The following NTRK3 variants were observed in gnomAD, a reference collection of about 807,000 sequenced individuals.
NTRK3 encodes neurotrophic receptor tyrosine kinase 3.
Under a neutral mutation model 91.7 loss-of-function variants are expected in NTRK3, and 24 were observed. That is an observed-to-expected ratio of 0.26 (90% CI 0.19 to 0.37). The LOEUF is 0.37. Ranked by LOEUF, NTRK3 falls within the 10% of genes least tolerant of loss-of-function variation. The pLI is 1.00. For missense variants in NTRK3, 880 were observed against 1,068.9 expected, an observed-to-expected ratio of 0.82 and a Z score of 2.46; for synonymous variants, 483 against 404.0, an observed-to-expected ratio of 1.20 and a Z score of -2.34.
intron 14 of NTRK3, among the ~76,000 whole-genome samples, chr15:87,998,584 A>C (rs1362981885): frequency 6.6e-6 from 1 of 152,230 alleles, no homozygotes; most frequent in Admixed American, 6.5e-5. Flanking sequence ...ATTCTGATGC[A>C]TTTTTAATCC....
chr15:88,178,811 C>T (rs1271461163), intron 5 of NTRK3, among the ~76,000 whole-genome samples: 1 of 152,204 alleles, frequency 6.6e-6, no homozygotes, highest in African/African-American at 2.4e-5. Flanking sequence ...ACAGAGCTTT[C>T]TCAACAGAGC....
rs149305260 is a variant in NTRK3, at chr15:88,016,526, C to G, written c.1585+16331G>C. On this transcript the variant is annotated intron_variant, in intron 14 of 18. Coordinates refer to ENST00000394480, the Ensembl canonical transcript of NTRK3. The stretch of plus-strand genomic sequence containing the variant: ...AGGAATGGGCTAAGCTGTGTCAGAA[C>G]TAAGCAGAATGCTATGGCAGGCTCT... Among the ~76,000 whole-genome samples, 252 of 152,370 alleles carry G rather than the reference C, an allele frequency of 1.7e-3. 1 individual carries two copies. The highest frequency in any genetic ancestry group is 5.8e-3 in the African/African-American group (240 of 41,592).
chr15:88,236,348 G>A (rs2051734341), intron 3 of NTRK3, among the ~76,000 whole-genome samples: 1 of 151,910 alleles, frequency 6.6e-6, no homozygotes, highest in African/African-American at 2.4e-5. Context: ...CTATGAAGCT[G>A]TAGAAGAAGG....
At chr15:87,989,451 A>C (rs1221947859) in intron 14 of NTRK3, among the ~76,000 whole-genome samples, 6 of 146,694 alleles carry the variant, frequency 4.1e-5, no homozygotes, top group Admixed American at 3.5e-4. Flanking sequence ...GGAATCGAAC[A>C]ATGAGAACAC....
At chr15:88,070,700 A>G (rs1157138553) in intron 13 of NTRK3, among the ~76,000 whole-genome samples, 3 of 151,678 alleles carry the variant, frequency 2.0e-5, no homozygotes, top group Admixed American at 1.3e-4. Flanking sequence ...CCACCTGTCC[A>G]CTCAACATCC....
intron 3 of NTRK3, among the ~76,000 whole-genome samples, chr15:88,220,657 A>G (rs1258696094): frequency 6.6e-6 from 1 of 152,168 alleles, no homozygotes. Context: ...CAGTCACAGG[A>G]GCCCACACAG....
chr15:87,886,658 G>GA (rs2065551187), intron 17 of NTRK3, among the ~76,000 whole-genome samples: 3 of 99,468 alleles, frequency 3.0e-5, no homozygotes, highest in African/African-American at 1.2e-4. Flanking sequence ...TGACCAAAGA[G>GA]AAAAATCCCA....
chr15:88,092,873 C>G (rs139200269), intron 13 of NTRK3, among the ~76,000 whole-genome samples: 1 of 152,172 alleles, frequency 6.6e-6, no homozygotes, highest in Non-Finnish European at 1.5e-5. Flanking sequence ...CTGCCTCTCC[C>G]TTACAAAAAT....
Position 87,876,773 on chromosome 15 carries a change from C to CT in NTRK3, c.*161dup, listed in dbSNP as rs1002810081. 1,089 of 622,326 alleles carry CT rather than the reference C, an allele frequency of 1.7e-3. 1 individual carries two copies. Among genetic ancestry groups the CT allele is most frequent in the East Asian group, 3.9e-3 (122 of 30,992 alleles). 38.6% of individuals were successfully genotyped at this position (622,326 alleles called of 1,614,324 possible). Reference sequence around the variant, plus strand: ...TGCCTTACAGGGTTTTTTTTTCTTTCTTTTTTTTTCCTTTTTTCAGTGTTG... The same window carrying CT: ...TGCCTTACAGGGTTTTTTTTTCTTTCTTTTTTTTTTCCTTTTTTCAGTGTTG... On this transcript the variant is annotated 3_prime_UTR_variant, in exon 19 of 19. Transcript: ENST00000394480.
At chr15:88,041,869 T>A (rs1379119268) in intron 13 of NTRK3, among the ~76,000 whole-genome samples, 16 of 140,300 alleles carry the variant, frequency 1.1e-4, no homozygotes, top group Non-Finnish European at 2.0e-4. Flanking sequence ...TCCTCAATGA[T>A]ATAATCCATT....
intron 14 of NTRK3, among the ~76,000 whole-genome samples, chr15:87,984,627 T>A (rs2074581123): frequency 6.6e-6 from 1 of 152,262 alleles, no homozygotes; most frequent in Admixed American, 6.5e-5. Context: ...AGGCCGTATA[T>A]GGCCTTATGA....
At chr15:88,177,857 A>G (rs2046139222) in intron 5 of NTRK3, among the ~76,000 whole-genome samples, 1 of 152,230 alleles carries the variant, frequency 6.6e-6, no homozygotes, top group South Asian at 2.1e-4. Flanking sequence ...CTTTCATAGT[A>G]CATTGTCTTA....
chr15:88,220,907 A>G (rs773009131), intron 3 of NTRK3, among the ~76,000 whole-genome samples: 2 of 152,158 alleles, frequency 1.3e-5, no homozygotes, highest in Admixed American at 1.3e-4. Context: ...GATGCCTCTG[A>G]ACCTCCAGGG....
Position 88,198,990 on chromosome 15 carries a change from A to C in NTRK3, c.249-14691T>G, listed in dbSNP as rs117522107. Among the ~76,000 whole-genome samples, 388 of 152,282 alleles carry C rather than the reference A, an allele frequency of 2.5e-3. 6 individuals are homozygous for C. Among genetic ancestry groups the C allele is most frequent in the East Asian group, 0.023 (119 of 5,182 alleles). Reference sequence around the variant, plus strand: ...AAATTTCTCTGCTGTGCTGTCCATCATGGAACTAGGGCTGATATTTGAGAC... The same window carrying C: ...AAATTTCTCTGCTGTGCTGTCCATCCTGGAACTAGGGCTGATATTTGAGAC... On this transcript the variant is annotated intron_variant, in intron 3 of 18. Transcript: ENST00000394480.
chr15:88,256,583 T>C, intron 1 of NTRK3, 61 bp downstream of exon 1: 2 of 485,824 alleles, frequency 4.1e-6, no homozygotes, highest in Non-Finnish European at 7.1e-6. Context: ...CTGGGCAGAA[T>C]TAAAACGGAC....
Position 88,033,059 on chromosome 15 carries a change from G to A in NTRK3, c.1397-14C>T, listed in dbSNP as rs2142024725. On this transcript the variant is annotated splice_polypyrimidine_tract_variant and intron_variant, in intron 13 of 18. Coordinates refer to ENST00000394480, the Ensembl canonical transcript of NTRK3. Reference sequence around the variant, plus strand: ...CAGCCACGGGACCTGCACACACCAAGAGAGACGCAGGACCTGGTGACGTCA... The same window carrying A: ...CAGCCACGGGACCTGCACACACCAAAAGAGACGCAGGACCTGGTGACGTCA... 1 of 1,562,344 alleles carries A rather than the reference G, an allele frequency of 6.4e-7. No individual in the cohort carries two copies. Among genetic ancestry groups the A allele is most frequent in the Non-Finnish European group, 8.7e-7 (1 of 1,153,772 alleles).
At chr15:88,184,387 C>T (rs1387753412) in intron 3 of NTRK3, 88 bp from the exon 4 acceptor site, 10 of 1,255,706 alleles carry the variant, frequency 8.0e-6, no homozygotes, top group African/African-American at 1.5e-5. Context: ...CTTTGATCCC[C>T]GATGAGCTAA....
At chr15:87,922,816 A>G (rs1311188495) in intron 17 of NTRK3, among the ~76,000 whole-genome samples, 2 of 152,026 alleles carry the variant, frequency 1.3e-5, no homozygotes, top group East Asian at 1.9e-4. Flanking sequence ...TTTCTTCTAG[A>G]TGTGTTTTCT....
At chr15:88,191,244 G>A (rs537965764) in intron 3 of NTRK3, among the ~76,000 whole-genome samples, 1 of 151,764 alleles carries the variant, frequency 6.6e-6, no homozygotes, top group African/African-American at 2.4e-5. Context: ...CCAGGCTGGA[G>A]TGCAGTGATC....
Sources: allele counts gnomAD v4.1 joint callset (sites outside exome capture counted in the v4.1 genomes callset), GRCh38; gene constraint gnomAD v4.1.1; transcripts MANE v1.5; gene names NCBI Gene and HGNC (gene_info 2026-07-23, HGNC 2026-07-21).